PEX5L: variants seen among roughly 807,000 people sequenced by gnomAD.
The protein encoded by PEX5L is peroxisomal biogenesis factor 5 like, also known as PEX5-related protein.
PEX5L carries 30 observed loss-of-function variants against 84.0 expected under a neutral mutation model. The ratio of observed to expected loss-of-function variants is 0.36; its 90% CI spans 0.27 to 0.48. The LOEUF (loss-of-function observed/expected upper bound fraction) is 0.48. PEX5L is among the 20% of genes least tolerant of loss of function. PEX5L has a pLI of 0.99. For synonymous variants in PEX5L, 270 were observed against 283.1 expected (o/e 0.95, Z 0.46); for missense variants, 533 against 754.6 (o/e 0.71, Z 3.44).
In PEX5L at chr3:179,899,681, T is replaced by C. The variant is rs146493556; in HGVS notation, c.94-1435A>G. Among the ~76,000 whole-genome samples the C allele has an allele frequency of 3.3e-3, 500 of 152,288 alleles. 5 individuals carry two copies. The highest frequency in any genetic ancestry group is 0.012 in the African/African-American group (485 of 41,574). On this transcript the variant is annotated intron_variant, in intron 2 of 14. Coordinates refer to ENST00000467460, the MANE Select transcript of PEX5L (RefSeq NM_016559.3). ...TCTTTATGAGAACAAAGAAAAACTTTTTGTATAGCTAATAGATTTTTAAAT... is the reference window on the plus strand; with the variant it reads ...TCTTTATGAGAACAAAGAAAAACTTCTTGTATAGCTAATAGATTTTTAAAT...
chr3:179,849,343 T>C (rs1350715136), intron 8 of PEX5L, among the ~76,000 whole-genome samples: 1 of 152,238 alleles, frequency 6.6e-6, no homozygotes, highest in Non-Finnish European at 1.5e-5. Context: ...TTTAAATATA[T>C]ATGAAAATAA....
intron 3 of PEX5L, among the ~76,000 whole-genome samples, chr3:179,894,413 C>T (rs572018002): frequency 9.9e-5 from 15 of 152,066 alleles, no homozygotes; most frequent in South Asian, 6.2e-4. Context: ...CTTCTGGTAA[C>T]GGATAATCAA....
At chr3:179,834,485 A>G (rs1346352835) in intron 8 of PEX5L, among the ~76,000 whole-genome samples, 2 of 152,138 alleles carry the variant, frequency 1.3e-5, no homozygotes, top group Non-Finnish European at 2.9e-5. Context: ...CCCACCACAC[A>G]TGGCTGGGCT....
chr3:180,016,983 G>A (rs542743522), intron 1 of PEX5L, among the ~76,000 whole-genome samples: 1 of 152,198 alleles, frequency 6.6e-6, no homozygotes, highest in South Asian at 2.1e-4. Flanking sequence ...AAAAGAGTGA[G>A]TAATGTTCAT....
Position 179,903,117 on chromosome 3 carries a change from A to C in PEX5L, c.94-4871T>G, listed in dbSNP as rs191841960. Among the ~76,000 whole-genome samples, 46 of 152,334 alleles carry C rather than the reference A, an allele frequency of 3.0e-4. 2 individuals are homozygous for C. The highest frequency in any genetic ancestry group is 2.8e-4 in the Non-Finnish European group (19 of 68,014). On this transcript the variant is annotated intron_variant, in intron 2 of 14. Coordinates refer to ENST00000467460, the MANE Select transcript of PEX5L (RefSeq NM_016559.3). Reference sequence around the variant, plus strand: ...AAACAATTTTTTAGGCTGAATATTTAAAGAATAGACCTATTAAGATCAAGC... The same window carrying C: ...AAACAATTTTTTAGGCTGAATATTTCAAGAATAGACCTATTAAGATCAAGC...
At chr3:179,958,763 T>C (rs4855126) in intron 2 of PEX5L, among the ~76,000 whole-genome samples, 111,922 of 152,080 alleles carry the variant, frequency 0.74, 41,460 homozygotes, top group East Asian at 0.96. Context: ...CTTTATTCTT[T>C]TTTGTAGGCC....
At chr3:179,996,930 C>T (rs796880353) in intron 1 of PEX5L, among the ~76,000 whole-genome samples, 61 of 152,178 alleles carry the variant, frequency 4.0e-4, no homozygotes, top group African/African-American at 1.5e-3. Context: ...GGAAGTCTAC[C>T]GCATTCCTAC....
intron 1 of PEX5L, among the ~76,000 whole-genome samples, chr3:180,020,473 AT>A (rs1326927928): frequency 6.6e-6 from 1 of 152,112 alleles, no homozygotes; most frequent in Non-Finnish European, 1.5e-5. Flanking sequence ...CTATCTCAAA[AT>A]GTTAATTTAT....
At chr3:179,899,446 T>C (rs1375940246) in intron 2 of PEX5L, among the ~76,000 whole-genome samples, 3 of 152,074 alleles carry the variant, frequency 2.0e-5, no homozygotes, top group African/African-American at 2.4e-5. Flanking sequence ...GGGTCTAATA[T>C]TGGAAAAGGG....
intron 1 of PEX5L, among the ~76,000 whole-genome samples, chr3:179,978,064 G>A (rs1785981208): frequency 6.6e-6 from 1 of 152,202 alleles, no homozygotes; most frequent in African/African-American, 2.4e-5. Context: ...TTTGCCATAT[G>A]CATGAGCCCA....
At chr3:179,814,811 T>C (rs894231094) in intron 10 of PEX5L, among the ~76,000 whole-genome samples, 5 of 152,162 alleles carry the variant, frequency 3.3e-5, no homozygotes, top group Non-Finnish European at 5.9e-5. Flanking sequence ...TGGTTTCCCA[T>C]GGCTTTCAGA....
At chr3:179,846,861 A>T (rs1233110841) in intron 8 of PEX5L, among the ~76,000 whole-genome samples, 1 of 152,088 alleles carries the variant, frequency 6.6e-6, no homozygotes, top group Non-Finnish European at 1.5e-5. Flanking sequence ...ACTCAGTCAG[A>T]CCTTTGGACT....
At chr3:179,885,197 G>T (rs1162460871) in intron 4 of PEX5L, among the ~76,000 whole-genome samples, 1 of 152,118 alleles carries the variant, frequency 6.6e-6, no homozygotes, top group Non-Finnish European at 1.5e-5. Flanking sequence ...ACGTTGGAGA[G>T]TATTATGGAT....
At chr3:179,850,097 A>T (rs1395775685) in intron 8 of PEX5L, among the ~76,000 whole-genome samples, 2 of 152,098 alleles carry the variant, frequency 1.3e-5, no homozygotes, top group African/African-American at 4.8e-5. Flanking sequence ...ACTTATCCAC[A>T]AATTTATCTA....
rs1716957661 is a variant in PEX5L at position 179,796,365 on chromosome 3, A to G, written c.*5463T>C. ...GCAAGTTAGTTTTCTCTTATAGAGA[A>G]GGTCCTGAGAAAACAGTTCTGACAT... On this transcript the variant is annotated 3_prime_UTR_variant, in exon 15 of 15. Coordinates refer to ENST00000467460, the MANE Select transcript of PEX5L (RefSeq NM_016559.3). The G allele has an allele frequency of 6.6e-6, 1 of 152,212 alleles. No individual in the cohort carries two copies. The highest frequency in any genetic ancestry group is 2.4e-5 in the African/African-American group (1 of 41,456). The allele number at this position is 152,212 out of a possible 1,614,324, so 9.4% of individuals were successfully genotyped here.
At chr3:179,867,042 G>A (rs202194663) in intron 7 of PEX5L, among the ~76,000 whole-genome samples, 535 of 109,576 alleles carry the variant, frequency 4.9e-3, no homozygotes, top group South Asian at 5.6e-3. Context: ...AAAAAAAAAA[G>A]AAAAAAAAAA....
In PEX5L at chr3:179,963,427, G is replaced by A. The variant is rs117662763; in HGVS notation, c.93+8167C>T. ...ATTTCCCAAGGAACATAAGGCCAGC[G>A]TCAATGATAACTTAATGTCCATTAA... is the stretch of plus-strand genomic sequence containing the variant. On this transcript the variant is annotated intron_variant, in intron 2 of 14. Coordinates refer to ENST00000467460, the MANE Select transcript of PEX5L (RefSeq NM_016559.3). 1.2e-4 allele frequency among the ~76,000 whole-genome samples: 18 copies of A among 152,204 alleles called. 1 individual carries two copies. The East Asian group carries it at 1.7e-3, about 15-fold the overall frequency.
In PEX5L at chr3:180,030,836, G is replaced by A. The variant is rs144513303; in HGVS notation, c.21+5743C>T. Among the ~76,000 whole-genome samples the A allele has an allele frequency of 2.6e-5, 4 of 152,160 alleles. No individual in the cohort carries two copies. The East Asian group carries it at 5.8e-4, about 22-fold the overall frequency. On this transcript the variant is annotated intron_variant, in intron 1 of 14. Coordinates refer to ENST00000467460, the MANE Select transcript of PEX5L (RefSeq NM_016559.3). ...GTACGTGCACATGAGTAGAAACTTT[G>A]GGGAGTTGTGCATGCACCTGAAATT...
intron 7 of PEX5L, among the ~76,000 whole-genome samples, chr3:179,869,517 C>A (rs184365301): frequency 6.6e-6 from 1 of 152,224 alleles, no homozygotes; most frequent in East Asian, 1.9e-4. Flanking sequence ...ATTGTTGGGG[C>A]TCAGAAAAAT....
Sources: gnomAD v4.1 joint callset for allele counts (sites outside exome capture counted in the v4.1 genomes callset) on GRCh38, gnomAD v4.1.1 for gene constraint, MANE v1.5 for transcripts, NCBI Gene and HGNC (gene_info 2026-07-23, HGNC 2026-07-21) for gene names.